CBLB: variants seen among roughly 807,000 people sequenced by gnomAD.
CBLB encodes Cbl proto-oncogene B, also known as E3 ubiquitin-protein ligase CBL-B.
A neutral mutation model predicts 104.9 loss-of-function variants in CBLB; 31 were observed. The ratio of observed to expected loss-of-function variants is 0.30; its 90% CI spans 0.22 to 0.40. The LOEUF (loss-of-function observed/expected upper bound fraction) is 0.40, where lower values mean the gene tolerates loss of function less well. Among genes scored for constraint, CBLB ranks in the 10% least tolerant of loss-of-function variants. The pLI, the probability that CBLB is intolerant of heterozygous loss-of-function variation, is 1.00. For missense variants in CBLB, 1,062 were observed against 1,214.6 expected (o/e 0.87, Z 1.87); for synonymous variants, 440 against 422.6 (o/e 1.04, Z -0.51).
intron 13 of CBLB, among the ~76,000 whole-genome samples, chr3:105,692,372 G>A (rs760382899): frequency 2.0e-5 from 3 of 152,180 alleles, no homozygotes; most frequent in Non-Finnish European, 2.9e-5. Context: ...CAGTATGGCA[G>A]AGTATATAAT....
At position 105,798,458 on chromosome 3, in the gene CBLB, C is replaced by T. The variant is rs191894661; in HGVS notation, c.420-21916G>A. On this transcript the variant is annotated intron_variant, in intron 3 of 18. Transcript: ENST00000394030. ...AAATAATGATTAAATCTAGCCCTATCTAGAGATTAGAAATGTTGGCACGTT... is the reference window on the plus strand; with the variant it reads ...AAATAATGATTAAATCTAGCCCTATTTAGAGATTAGAAATGTTGGCACGTT... 2.0e-3 allele frequency among the ~76,000 whole-genome samples: 302 copies of T among 152,272 alleles called. 2 individuals are homozygous for T. Among genetic ancestry groups the T allele is most frequent in the African/African-American group, 7.1e-3 (295 of 41,560 alleles).
intron 14 of CBLB, 152 bp from the exon 15 acceptor site, chr3:105,681,970 T>A (rs1185932982): frequency 1.6e-6 from 1 of 610,910 alleles, no homozygotes; most frequent in African/African-American, 1.9e-5. Flanking sequence ...AACATCAAGA[T>A]ACTCATCCCT....
chr3:105,810,004 A>T (rs1008133641), intron 3 of CBLB, among the ~76,000 whole-genome samples: 4 of 152,210 alleles, frequency 2.6e-5, no homozygotes, highest in Admixed American at 2.6e-4. Flanking sequence ...ACATATTTGT[A>T]AACATCAGAA....
At chr3:105,770,198 AC>A in intron 4 of CBLB, among the ~76,000 whole-genome samples, 1 of 152,230 alleles carries the variant, frequency 6.6e-6, no homozygotes, top group African/African-American at 2.4e-5. Context: ...AAGAACCAAC[AC>A]AGGAACTTAG....
At chr3:105,662,296 A>T (rs1007600777) in intron 18 of CBLB, among the ~76,000 whole-genome samples, 2 of 152,206 alleles carry the variant, frequency 1.3e-5, no homozygotes, top group African/African-American at 4.8e-5. Flanking sequence ...AGTGGAAGGA[A>T]GCAATGAAAT....
chr3:105,792,445 T>TA (rs2068117420), intron 3 of CBLB, among the ~76,000 whole-genome samples: 1 of 152,152 alleles, frequency 6.6e-6, no homozygotes, highest in South Asian at 2.1e-4. Flanking sequence ...GGCAACTACT[T>TA]ATGGGACTTT....
In CBLB at chr3:105,657,243, C is replaced by T. The variant is rs1412528937; in HGVS notation, c.*1727G>A. The T allele has an allele frequency of 4.5e-6, 1 of 220,652 alleles. No homozygotes were observed. The highest frequency in any genetic ancestry group is 2.2e-5 in the African/African-American group (1 of 44,672). 13.7% of individuals were successfully genotyped at this position (220,652 alleles called of 1,614,324 possible). A position where few individuals can be genotyped will look rare whatever the true frequency, so the allele number is the denominator to read the frequency against. On this transcript the variant is annotated 3_prime_UTR_variant, in exon 19 of 19. Coordinates refer to ENST00000394030, the MANE Select transcript of CBLB (RefSeq NM_170662.5). ...TGTATAACATTAATTTCCACCAGAT[C>T]TACTAGATGTTCAGTCATGTCCTTT...
At chr3:105,688,907 C>G (rs1178992784) in intron 13 of CBLB, among the ~76,000 whole-genome samples, 1 of 151,996 alleles carries the variant, frequency 6.6e-6, no homozygotes, top group Admixed American at 6.6e-5. Context: ...ATCGGAGAAA[C>G]AGATTTGAAG....
chr3:105,745,846 C>T (rs1338874200), intron 6 of CBLB, 71 bp downstream of exon 6: 1 of 1,454,256 alleles, frequency 6.9e-7, no homozygotes, highest in Admixed American at 1.7e-5. Flanking sequence ...TGCTGACTTA[C>T]TTAGGAACAA....
chr3:105,765,479 A>T (rs2078119616), intron 4 of CBLB, among the ~76,000 whole-genome samples: 2 of 152,178 alleles, frequency 1.3e-5, no homozygotes. Context: ...TGGACTTCCT[A>T]GCCTTCAGAA....
chr3:105,761,537 T>C (rs2077632831), intron 4 of CBLB, among the ~76,000 whole-genome samples: 1 of 152,206 alleles, frequency 6.6e-6, no homozygotes, highest in African/African-American at 2.4e-5. Context: ...TTTCCCTTTT[T>C]GCTTAGCTCT....
intron 4 of CBLB, among the ~76,000 whole-genome samples, chr3:105,759,250 T>C (rs1343393535): frequency 6.6e-6 from 1 of 150,930 alleles, no homozygotes; most frequent in Non-Finnish European, 1.5e-5. Flanking sequence ...GGGTCTGGAG[T>C]TTTTCATGGG....
At position 105,678,412 on chromosome 3, in the gene CBLB, T is replaced by C; in HGVS notation, c.2569+19A>G. The C allele has an allele frequency of 6.2e-7, 1 of 1,613,384 alleles. No homozygotes were observed. The highest frequency in any genetic ancestry group is 8.5e-7 in the Non-Finnish European group (1 of 1,179,354). On this transcript the variant is annotated intron_variant, in intron 17 of 18. Coordinates refer to ENST00000394030, the MANE Select transcript of CBLB (RefSeq NM_170662.5). ...TTTTTGCTTTAAGTGAATAGTTTTC[T>C]TTGGCTTTTCCCTCCTACCTGAAGG... is the stretch of plus-strand genomic sequence containing the variant.
intron 2 of CBLB, among the ~76,000 whole-genome samples, chr3:105,856,874 G>T (rs183214261): frequency 2.6e-5 from 4 of 152,162 alleles, no homozygotes; most frequent in Admixed American, 2.6e-4. Flanking sequence ...CTGCCCTAAA[G>T]ATTAAGTCCC....
At chr3:105,672,443 T>C (rs2065172937) in intron 17 of CBLB, 1 of 174,414 alleles carries the variant, frequency 5.7e-6, no homozygotes, top group Admixed American at 6.4e-5. Flanking sequence ...AAGCAAATTA[T>C]AAAGTTGGAA....
At chr3:105,840,685 C>T (rs2089413001) in intron 3 of CBLB, among the ~76,000 whole-genome samples, 1 of 152,166 alleles carries the variant, frequency 6.6e-6, no homozygotes, top group Non-Finnish European at 1.5e-5. Flanking sequence ...TTAGCTTCTC[C>T]ACACAGGAAA....
chr3:105,833,104 C>T (rs1282880257), intron 3 of CBLB, among the ~76,000 whole-genome samples: 3 of 152,014 alleles, frequency 2.0e-5, no homozygotes, highest in South Asian at 2.1e-4. Context: ...GGGAGAGTGT[C>T]GTGAAATGAA....
In CBLB at chr3:105,770,863, C is replaced by A. The variant is rs148807017; in HGVS notation, c.566+5533G>T. 2.0e-3 allele frequency among the ~76,000 whole-genome samples: 301 copies of A among 152,130 alleles called. 2 individuals carry two copies. Among genetic ancestry groups the A allele is most frequent in the African/African-American group, 7.0e-3 (292 of 41,508 alleles). On this transcript the variant is annotated intron_variant, in intron 4 of 18. Coordinates refer to ENST00000394030, the MANE Select transcript of CBLB (RefSeq NM_170662.5). ...CAGGAGAGCTGGGTAAGGTTTACTG[C>A]CACCCAATAACAATAACAAGCAGTG...
chr3:105,693,416 T>C (rs1473998448), intron 13 of CBLB, 78 bp downstream of exon 13: 1 of 795,822 alleles, frequency 1.3e-6, no homozygotes, highest in African/African-American at 2.2e-5. Flanking sequence ...ATGTAGTGTC[T>C]GTACTGAGAA....
Sources: allele counts gnomAD v4.1 joint callset (sites outside exome capture counted in the v4.1 genomes callset), GRCh38; gene constraint gnomAD v4.1.1; transcripts MANE v1.5; gene names NCBI Gene and HGNC (gene_info 2026-07-23, HGNC 2026-07-21).